Variants in KCNJ6 observed in about 807,000 individuals in gnomAD.
KCNJ6 encodes the protein G protein-activated inward rectifier potassium channel 2.
A neutral mutation model predicts 34.2 loss-of-function variants in KCNJ6; 9 were observed. The ratio of observed to expected loss-of-function variants is 0.26; its 90% CI spans 0.16 to 0.46. The LOEUF (loss-of-function observed/expected upper bound fraction) is 0.46, where lower values mean the gene tolerates loss of function less well. Ranked by LOEUF, KCNJ6 falls within the 20% of genes least tolerant of loss-of-function variation. The pLI is 1.00. For missense variants in KCNJ6, 236 were observed against 531.3 expected, an observed-to-expected ratio of 0.44 and a Z score of 5.46; for synonymous variants, 196 against 207.1, an observed-to-expected ratio of 0.95 and a Z score of 0.46.
At chr21:37,820,508 G>A (rs2055368662) in intron 2 of KCNJ6, among the ~76,000 whole-genome samples, 1 of 152,130 alleles carries the variant, frequency 6.6e-6, no homozygotes. Flanking sequence ...ACTGCATTTG[G>A]ATGACACTGC....
intron 1 of KCNJ6, among the ~76,000 whole-genome samples, chr21:37,908,039 C>T (rs2055850041): frequency 6.6e-6 from 1 of 152,248 alleles, no homozygotes; most frequent in Non-Finnish European, 1.5e-5. Flanking sequence ...TCCAGTATTA[C>T]TGCCCCATGG....
At chr21:37,720,151 G>A (rs2054817368) in intron 2 of KCNJ6, among the ~76,000 whole-genome samples, 1 of 151,866 alleles carries the variant, frequency 6.6e-6, no homozygotes, top group Non-Finnish European at 1.5e-5. Context: ...AAACATTTTT[G>A]AAATTTTCTA....
chr21:37,656,516 C>T (rs1349295256), intron 3 of KCNJ6, among the ~76,000 whole-genome samples: 1 of 152,200 alleles, frequency 6.6e-6, no homozygotes, highest in Non-Finnish European at 1.5e-5. Flanking sequence ...GTACTCTAAC[C>T]TCTGAGGTGG....
intron 2 of KCNJ6, among the ~76,000 whole-genome samples, chr21:37,754,930 C>T (rs781260481): frequency 3.9e-5 from 6 of 152,090 alleles, no homozygotes; most frequent in Non-Finnish European, 7.4e-5. Context: ...GACAGAAAGC[C>T]GGAGAGGTAT....
chr21:37,876,521 A>G (rs1250116403), intron 1 of KCNJ6, among the ~76,000 whole-genome samples: 1 of 152,182 alleles, frequency 6.6e-6, no homozygotes, highest in Non-Finnish European at 1.5e-5. Context: ...GAAAAAGCCT[A>G]AAGAAGACAA....
chr21:37,710,664 G>A (rs886148932), intron 3 of KCNJ6, among the ~76,000 whole-genome samples: 6 of 152,332 alleles, frequency 3.9e-5, no homozygotes, highest in African/African-American at 1.4e-4. Flanking sequence ...CAAGCCCAGC[G>A]CTGCGTGGCT....
intron 3 of KCNJ6, among the ~76,000 whole-genome samples, chr21:37,674,801 A>C (rs2054557349): frequency 6.6e-6 from 1 of 151,916 alleles, no homozygotes; most frequent in Non-Finnish European, 1.5e-5. Flanking sequence ...GCTCACTTGG[A>C]TGTAAGCTTG....
At chr21:37,724,516 A>G (rs1480696045) in intron 2 of KCNJ6, among the ~76,000 whole-genome samples, 1 of 152,090 alleles carries the variant, frequency 6.6e-6, no homozygotes, top group African/African-American at 2.4e-5. Flanking sequence ...ATGGCAGTGG[A>G]TTTGGGGCTA....
rs2054529420 is a variant in KCNJ6, at chr21:37,668,903, T to G, written c.947-43419A>C. On this transcript the variant is annotated intron_variant, in intron 3 of 3. Coordinates refer to ENST00000609713, the MANE Select transcript of KCNJ6 (RefSeq NM_002240.5). ...TTTGAAATGGTGCTGCAAAGCTGGC[T>G]TTCGTGATGCAAAATTTGCATCTGT... Among the ~76,000 whole-genome samples, 3 of 152,258 alleles carry G rather than the reference T, an allele frequency of 2.0e-5. No individual in the cohort carries two copies. In the South Asian group the frequency reaches 6.2e-4, roughly 32 times the overall value.
chr21:37,771,792 C>CT (rs35098667), intron 2 of KCNJ6, among the ~76,000 whole-genome samples: 2 of 152,250 alleles, frequency 1.3e-5, no homozygotes, highest in South Asian at 4.1e-4. Context: ...CCAAAGTATG[C>CT]TTTTTTCGGG....
At position 37,609,888 on chromosome 21, in the gene KCNJ6, G is replaced by A. The variant is rs1411221733; in HGVS notation, c.*15271C>T. On this transcript the variant is annotated 3_prime_UTR_variant, in exon 4 of 4. Transcript: ENST00000609713. ...CTCACATTTATTTTCTATCAATGAT[G>A]CTGACCTTCCTTGGACATTTTTCTA... is the stretch of plus-strand genomic sequence containing the variant. 1.3e-5 allele frequency: 2 copies of A among 152,182 alleles called. No individual in the cohort carries two copies. Among genetic ancestry groups the A allele is most frequent in the Non-Finnish European group, 2.9e-5 (2 of 68,036 alleles). 9.4% of individuals were successfully genotyped at this position (152,182 alleles called of 1,614,324 possible).
At chr21:37,649,144 A>AG (rs2054420084) in intron 3 of KCNJ6, among the ~76,000 whole-genome samples, 1 of 149,682 alleles carries the variant, frequency 6.7e-6, no homozygotes, top group South Asian at 2.1e-4. Context: ...AAAAAAAAAA[A>AG]AAAAAAAAAA....
chr21:37,854,793 G>A (rs570375094), intron 1 of KCNJ6, among the ~76,000 whole-genome samples: 1 of 152,266 alleles, frequency 6.6e-6, no homozygotes, highest in East Asian at 1.9e-4. Flanking sequence ...TACAATAAAG[G>A]TTTAATCAAC....
chr21:37,828,013 C>T (rs1281069115), intron 2 of KCNJ6, among the ~76,000 whole-genome samples: 1 of 152,120 alleles, frequency 6.6e-6, no homozygotes, highest in Non-Finnish European at 1.5e-5. Flanking sequence ...TAGATCAGCT[C>T]TGTCTGTCTC....
At chr21:37,914,179 T>C (rs1193564821) in intron 1 of KCNJ6, among the ~76,000 whole-genome samples, 1 of 152,126 alleles carries the variant, frequency 6.6e-6, no homozygotes, top group Non-Finnish European at 1.5e-5. Context: ...CCGCCATGCA[T>C]AAAATGGATG....
chr21:37,816,634 G>T (rs947403854), intron 2 of KCNJ6, among the ~76,000 whole-genome samples: 2 of 152,230 alleles, frequency 1.3e-5, no homozygotes, highest in Non-Finnish European at 2.9e-5. Flanking sequence ...GATTGGCGGA[G>T]GGGGCACCTC....
At chr21:37,897,531 C>T (rs1232244673) in intron 1 of KCNJ6, among the ~76,000 whole-genome samples, 6 of 152,216 alleles carry the variant, frequency 3.9e-5, no homozygotes, top group Non-Finnish European at 5.9e-5. Flanking sequence ...TGAGAGGCCA[C>T]CTATGGTCCT....
chr21:37,767,818 G>A (rs754868118), intron 2 of KCNJ6, among the ~76,000 whole-genome samples: 137 of 152,094 alleles, frequency 9.0e-4, no homozygotes, highest in Admixed American at 2.4e-3. Context: ...TTGAGAAATC[G>A]TGAGAGGGGA....
intron 1 of KCNJ6, among the ~76,000 whole-genome samples, chr21:37,899,439 C>T (rs1170812634): frequency 6.6e-6 from 1 of 152,194 alleles, no homozygotes; most frequent in African/African-American, 2.4e-5. Flanking sequence ...CACTCTGCTT[C>T]TTTCTCTCTC....
Sources: gnomAD v4.1 joint callset for allele counts (sites outside exome capture counted in the v4.1 genomes callset) on GRCh38, gnomAD v4.1.1 for gene constraint, MANE v1.5 for transcripts, NCBI Gene and HGNC (gene_info 2026-07-23, HGNC 2026-07-21) for gene names.